RAB6A: variants seen among roughly 807,000 people sequenced by gnomAD.
The protein encoded by RAB6A is RAB6A, member RAS oncogene family, also known as ras-related protein Rab-6A.
RAB6A carries 8 observed loss-of-function variants against 32.3 expected under a neutral mutation model. The observed-to-expected ratio is 0.25, with a 90% confidence interval of 0.15 to 0.45. The LOEUF is 0.45. Among genes scored for constraint, RAB6A ranks in the 20% least tolerant of loss-of-function variants. RAB6A has a pLI of 1.00. For synonymous variants in RAB6A, 73 were observed against 82.1 expected (o/e 0.89, Z 0.60); for missense variants, 104 against 249.4 (o/e 0.42, Z 3.93).
At chr11:73,725,415 G>A (rs957458354) in intron 2 of RAB6A, among the ~76,000 whole-genome samples, 4 of 152,216 alleles carry the variant, frequency 2.6e-5, no homozygotes, top group African/African-American at 9.6e-5. Context: ...AAGTGTATTA[G>A]TCTGTTTTGG....
At chr11:73,750,222 A>T (rs1210864048) in intron 1 of RAB6A, among the ~76,000 whole-genome samples, 3 of 152,014 alleles carry the variant, frequency 2.0e-5, no homozygotes, top group African/African-American at 4.8e-5. Flanking sequence ...GATAACAAGG[A>T]GGTTTATTTA....
At chr11:73,684,882 A>G (rs1945416882) in intron 6 of RAB6A, among the ~76,000 whole-genome samples, 1 of 152,268 alleles carries the variant, frequency 6.6e-6, no homozygotes, top group Non-Finnish European at 1.5e-5. Flanking sequence ...ATATATACAT[A>G]TTGGAGGCCA....
intron 1 of RAB6A, among the ~76,000 whole-genome samples, chr11:73,739,647 C>T (rs551104376): frequency 2.6e-5 from 4 of 151,660 alleles, no homozygotes; most frequent in South Asian, 2.1e-4. Context: ...TCAAGAAAAC[C>T]GAGGGATATT....
rs1946086481 is a variant in RAB6A at position 73,718,544 on chromosome 11, A to G, written c.289+69T>C. The stretch of plus-strand genomic sequence containing the variant: ...TGCCAGTAAGGAAAACAAGCACAAG[A>G]CAAGAACATGCATGCAGCTAAGCTA... On this transcript the variant is annotated intron_variant, in intron 4 of 7. Transcript: ENST00000336083. The G allele has an allele frequency of 8.5e-6, 11 of 1,300,450 alleles. 1 individual carries two copies. The South Asian group carries it at 1.4e-4, about 17-fold the overall frequency. The allele number at this position is 1,300,450 out of a possible 1,614,324, so 80.6% of individuals were successfully genotyped here.
chr11:73,731,999 A>G (rs968045230), intron 1 of RAB6A, among the ~76,000 whole-genome samples: 1 of 151,014 alleles, frequency 6.6e-6, no homozygotes, highest in African/African-American at 2.4e-5. Context: ...TCGGCCTCCC[A>G]AAGTGCTGAG....
At position 73,754,764 on chromosome 11, in the gene RAB6A, C is replaced by A. The variant is rs1462504217; in HGVS notation, c.70+5802G>T. 3.3e-5 allele frequency among the ~76,000 whole-genome samples: 5 copies of A among 151,740 alleles called. No homozygotes were observed. The East Asian group carries it at 9.7e-4, about 29-fold the overall frequency. ...CAAAACCCTGTCTCTACTAAAAAGT[C>A]AAAAAATTAGCCAGGCATGGCGGCA... On this transcript the variant is annotated intron_variant, in intron 1 of 7. Coordinates refer to ENST00000336083, the MANE Select transcript of RAB6A (RefSeq NM_198896.2).
At chr11:73,688,558 A>G (rs1243273891) in intron 6 of RAB6A, among the ~76,000 whole-genome samples, 2 of 152,330 alleles carry the variant, frequency 1.3e-5, no homozygotes, top group East Asian at 1.9e-4. Flanking sequence ...TGTACTTTCT[A>G]TATCTTGAAC....
intron 1 of RAB6A, among the ~76,000 whole-genome samples, chr11:73,748,417 TAA>T (rs2135007720): frequency 6.6e-6 from 1 of 152,312 alleles, no homozygotes; most frequent in Non-Finnish European, 1.5e-5. Flanking sequence ...GAGTTTGCTT[TAA>T]AATAACGCAC....
chr11:73,730,523 C>T, intron 2 of RAB6A: 1 of 382,724 alleles, frequency 2.6e-6, no homozygotes, highest in Middle Eastern at 5.3e-4. Context: ...ACTTCTAATG[C>T]CATCCTAGAT....
intron 1 of RAB6A, among the ~76,000 whole-genome samples, chr11:73,748,889 C>T (rs1946633036): frequency 6.6e-6 from 1 of 152,064 alleles, no homozygotes. Context: ...CTTTGGAAGG[C>T]CGAGGTGGGC....
At chr11:73,693,146 T>G (rs1976912) in intron 6 of RAB6A, among the ~76,000 whole-genome samples, 139,075 of 151,994 alleles carry the variant, frequency 0.92, 63,798 homozygotes, top group East Asian at 1. Flanking sequence ...AAATTAGCCA[T>G]GCGTGGTGGC....
chr11:73,731,170 A>G (rs78932764), intron 1 of RAB6A, among the ~76,000 whole-genome samples: 2,379 of 152,248 alleles, frequency 0.016, 70 homozygotes, highest in African/African-American at 0.055. Flanking sequence ...TAGCAAATCA[A>G]AGTATAATCC....
rs573612006 is a variant in RAB6A, at chr11:73,738,457, G to A, written c.71-7634C>T. On this transcript the variant is annotated intron_variant, in intron 1 of 7. Transcript: ENST00000336083. ...TGAGGCAAGGAGTCCAAGGCTAGCC[G>A]GGCAACAAAGCAAAACTCCATCTCC... is the stretch of plus-strand genomic sequence containing the variant. Among the ~76,000 whole-genome samples, 14 of 152,184 alleles carry A rather than the reference G, an allele frequency of 9.2e-5. No individual in the cohort carries two copies. The South Asian group carries it at 2.3e-3, about 25-fold the overall frequency.
At position 73,697,537 on chromosome 11, in the gene RAB6A, G is replaced by A. The variant is rs1004080812; in HGVS notation, c.495+9883C>T. Among the ~76,000 whole-genome samples the A allele has an allele frequency of 2.0e-5, 3 of 151,930 alleles. No individual in the cohort carries two copies. The East Asian group carries it at 5.8e-4, about 29-fold the overall frequency. ...TGATTTTCGTATTTTTAGTAGAGAC[G>A]GGTTTCACTATGTTGGCCAGGCTGA... On this transcript the variant is annotated intron_variant, in intron 6 of 7. Transcript: ENST00000336083.
At chr11:73,699,667 T>A (rs930171910) in intron 6 of RAB6A, among the ~76,000 whole-genome samples, 6 of 152,204 alleles carry the variant, frequency 3.9e-5, no homozygotes, top group Non-Finnish European at 8.8e-5. Flanking sequence ...TTCATGAGAA[T>A]GTGACTCTTC....
chr11:73,682,798 G>A (rs1162080755), intron 6 of RAB6A, among the ~76,000 whole-genome samples: 1 of 152,120 alleles, frequency 6.6e-6, no homozygotes, highest in Admixed American at 6.6e-5. Flanking sequence ...CAAAGTGTTG[G>A]GATTACAGAT....
intron 5 of RAB6A, among the ~76,000 whole-genome samples, chr11:73,709,656 C>G (rs1361868474): frequency 6.7e-6 from 1 of 149,780 alleles, no homozygotes; most frequent in African/African-American, 2.4e-5. Flanking sequence ...TTTTCTGGCC[C>G]AGATGCCTAA....
intron 1 of RAB6A, among the ~76,000 whole-genome samples, chr11:73,736,313 G>T (rs908445070): frequency 1.3e-5 from 2 of 151,834 alleles, no homozygotes; most frequent in Admixed American, 6.6e-5. Flanking sequence ...CCCACAATCT[G>T]AGCTACTTGG....
intron 1 of RAB6A, among the ~76,000 whole-genome samples, chr11:73,753,564 A>AGCCGGGCAT (rs889784716): frequency 1.3e-5 from 2 of 151,870 alleles, no homozygotes; most frequent in African/African-American, 4.8e-5. Context: ...ACAAAAAATT[A>AGCCGGGCAT]GCCGGGCATG....
Sources: allele counts gnomAD v4.1 joint callset (sites outside exome capture counted in the v4.1 genomes callset), GRCh38; gene constraint gnomAD v4.1.1; transcripts MANE v1.5; gene names NCBI Gene and HGNC (gene_info 2026-07-23, HGNC 2026-07-21).